The following ANO10 variants were observed in gnomAD, a reference collection of about 807,000 sequenced individuals.
ANO10 encodes the protein anoctamin 10, also known as anoctamin-10.
Under a neutral mutation model 74.7 loss-of-function variants are expected in ANO10, and 77 were observed. The ratio of observed to expected loss-of-function variants is 1.03; its 90% confidence interval spans 0.86 to 1.25. The LOEUF is 1.25. Among genes scored for constraint, ANO10 ranks in the 50% most tolerant of loss-of-function variants. ANO10 has a pLI of 0.00. For synonymous variants in ANO10, 279 were observed against 284.9 expected (o/e 0.98, Z 0.21); for missense variants, 721 against 778.1 (o/e 0.93, Z 0.87).
At chr3:43,634,304 A>C (rs2083582962) in intron 1 of ANO10, among the ~76,000 whole-genome samples, 1 of 151,900 alleles carries the variant, frequency 6.6e-6, no homozygotes, top group Non-Finnish European at 1.5e-5. Context: ...TTTAATAATT[A>C]AAAAAAATAA....
At position 43,445,886 on chromosome 3, in the gene ANO10, G is replaced by C. The variant is rs1168465720; in HGVS notation, c.1798-13159C>G. 2.0e-5 allele frequency among the ~76,000 whole-genome samples: 3 copies of C among 152,128 alleles called. No homozygotes were observed. In the East Asian group the frequency reaches 5.8e-4, roughly 29 times the overall value. ...AGCTAATATTTGTATTTTTTGTAGAGACGGGGTTTTGCCATGTTGCCCAGG... is the reference window on the plus strand; with the variant it reads ...AGCTAATATTTGTATTTTTTGTAGACACGGGGTTTTGCCATGTTGCCCAGG... On this transcript the variant is annotated intron_variant, in intron 11 of 12. Transcript: ENST00000292246.
intron 11 of ANO10, among the ~76,000 whole-genome samples, chr3:43,531,510 T>C (rs559692215): frequency 6.6e-6 from 1 of 152,304 alleles, no homozygotes; most frequent in East Asian, 1.9e-4. Flanking sequence ...TGCTGCATTT[T>C]AGGTTTCTTA....
chr3:43,404,531 A>C (rs2092540396), intron 12 of ANO10, among the ~76,000 whole-genome samples: 1 of 152,190 alleles, frequency 6.6e-6, no homozygotes, highest in African/African-American at 2.4e-5. Context: ...GCGAAATAAC[A>C]AATGTGGACT....
At chr3:43,435,491 A>G (rs1273980844) in intron 11 of ANO10, among the ~76,000 whole-genome samples, 5 of 147,620 alleles carry the variant, frequency 3.4e-5, no homozygotes, top group African/African-American at 1.0e-4. Context: ...CCTGGGTGAC[A>G]GAGCGAGACT....
chr3:43,424,458 C>A (rs192722070), intron 12 of ANO10: 1 of 152,378 alleles, frequency 6.6e-6, no homozygotes, highest in Admixed American at 6.5e-5. Flanking sequence ...AGACTTGCAA[C>A]TTCCCCAGTT....
Position 43,530,777 on chromosome 3 carries a change from A to G in ANO10, c.1797+18943T>C, listed in dbSNP as rs573009197. Among the ~76,000 whole-genome samples the G allele has an allele frequency of 3.9e-5, 6 of 152,194 alleles. 1 individual carries two copies. The South Asian group carries it at 1.2e-3, about 31-fold the overall frequency. ...TAAACTTTATCATAGGTATGTATAT[A>G]TAAGAAAAAACAGTGTATACAGGGT... On this transcript the variant is annotated intron_variant, in intron 11 of 12. Transcript: ENST00000292246.
intron 7 of ANO10, 86 bp from the exon 8 acceptor site, chr3:43,565,813 T>A: frequency 6.9e-7 from 1 of 1,440,092 alleles, no homozygotes. Context: ...TTTAAAAATG[T>A]AATGGGAGCG....
chr3:43,683,509 G>C (rs988478662), intron 1 of ANO10, among the ~76,000 whole-genome samples: 5 of 152,144 alleles, frequency 3.3e-5, no homozygotes, highest in Non-Finnish European at 7.3e-5. Context: ...ACTGCCCGAG[G>C]TAATTTATAG....
At chr3:43,689,553 A>G (rs2084323654) in intron 1 of ANO10, 1 of 152,244 alleles carries the variant, frequency 6.6e-6, no homozygotes, top group Non-Finnish European at 1.5e-5. Flanking sequence ...TAAAAAATGT[A>G]TTAGTTATTA....
At chr3:43,473,630 T>C (rs1321644531) in intron 11 of ANO10, among the ~76,000 whole-genome samples, 1 of 152,228 alleles carries the variant, frequency 6.6e-6, no homozygotes, top group Non-Finnish European at 1.5e-5. Context: ...CTAGACATGC[T>C]GAAGAAAATA....
chr3:43,531,246 T>C (rs1238149817), intron 11 of ANO10, among the ~76,000 whole-genome samples: 1 of 152,228 alleles, frequency 6.6e-6, no homozygotes, highest in Admixed American at 6.5e-5. Context: ...AAGCAAATTA[T>C]TTTACTTTGG....
chr3:43,634,802 A>G (rs906912737), intron 1 of ANO10, among the ~76,000 whole-genome samples: 1 of 152,174 alleles, frequency 6.6e-6, no homozygotes, highest in Non-Finnish European at 1.5e-5. Flanking sequence ...AATGATTAGC[A>G]CAGGCAATCA....
intron 1 of ANO10, chr3:43,652,953 T>A (rs1163757274): frequency 6.6e-6 from 1 of 151,912 alleles, no homozygotes; most frequent in East Asian, 1.9e-4. Context: ...ATACCTGTAA[T>A]CCCAGCACCT....
chr3:43,620,511 C>T (rs765469294), intron 1 of ANO10, among the ~76,000 whole-genome samples: 1 of 152,182 alleles, frequency 6.6e-6, no homozygotes, highest in Non-Finnish European at 1.5e-5. Flanking sequence ...AGCACAGTGG[C>T]TCACGTCTGT....
chr3:43,440,761 G>A (rs1161182124), intron 11 of ANO10, among the ~76,000 whole-genome samples: 1 of 151,908 alleles, frequency 6.6e-6, no homozygotes, highest in Non-Finnish European at 1.5e-5. Context: ...TTCTTCTCAA[G>A]TACATATAAA....
chr3:43,661,364 T>G lies in ANO10; in HGVS notation c.-12+30153A>C, dbSNP rs1575583795. Among the ~76,000 whole-genome samples the G allele has an allele frequency of 2.6e-5, 4 of 152,178 alleles. No individual in the cohort carries two copies. The South Asian group carries it at 8.3e-4, about 32-fold the overall frequency. The stretch of plus-strand genomic sequence containing the variant: ...ACAGACGAGCAAATGCTGAAAGATT[T>G]TGTCATCACCAGGCCTGCCTTACAA... On this transcript the variant is annotated intron_variant, in intron 1 of 3. Coordinates refer to the ANO10 transcript ENST00000413397.
intron 1 of ANO10, among the ~76,000 whole-genome samples, chr3:43,672,467 G>T (rs540435236): frequency 7.9e-5 from 12 of 152,286 alleles, no homozygotes; most frequent in African/African-American, 2.9e-4. Flanking sequence ...GGAGGTCGAG[G>T]CTGCAGTGAG....
intron 11 of ANO10, 57 bp from the exon 12 acceptor site, chr3:43,432,784 A>C (rs2093004323): frequency 1.7e-5 from 19 of 1,131,204 alleles, no homozygotes; most frequent in Non-Finnish European, 2.6e-5. Flanking sequence ...TATGCAAGGA[A>C]ATAAATTGAT....
At chr3:43,614,489 T>C (rs1272194384) in intron 1 of ANO10, among the ~76,000 whole-genome samples, 1 of 151,938 alleles carries the variant, frequency 6.6e-6, no homozygotes, top group African/African-American at 2.4e-5. Flanking sequence ...CCAAGACACA[T>C]TTGAAAAGAT....
Sources: allele counts gnomAD v4.1 joint callset (sites outside exome capture counted in the v4.1 genomes callset), GRCh38; gene constraint gnomAD v4.1.1; transcripts MANE v1.5; gene names NCBI Gene and HGNC (gene_info 2026-07-23, HGNC 2026-07-21).